The following ZNF676 variants were observed in gnomAD, a reference collection of about 807,000 sequenced individuals.
ZNF676 encodes the protein zinc finger protein 676.
In ZNF676, 4 loss-of-function variants were observed where a neutral mutation model predicts 6.0. That is an observed-to-expected ratio of 0.67 (90% CI 0.33 to 1.53). ZNF676 has a LOEUF of 1.53. Ranked by LOEUF, ZNF676 falls within the 40% of genes most tolerant of loss-of-function variation. The pLI is 0.06. For missense variants in ZNF676, 644 were observed against 679.7 expected (o/e 0.95, Z 0.58); for synonymous variants, 198 against 223.1 (o/e 0.89, Z 1.00).
In ZNF676 at chr19:22,181,561, C is replaced by T. The variant is rs1346595432; in HGVS notation, c.156G>A (p.Glu52=). Residue 52 remains glutamate (E), a synonymous_variant, in exon 3 of 3, where the codon GAG becomes GAA. Transcript: ENST00000397121. ...CTTCTATGCCTTGCTCTGGCCAAAACTCTTGGGAAAAATGAGAACATATAA... is the reference window on the plus strand; with the variant it reads ...CTTCTATGCCTTGCTCTGGCCAAAATTCTTGGGAAAAATGAGAACATATAA... ...PPVICSHFSQ[E]FWPEQGIEDS... The T allele has an allele frequency of 6.4e-7, 1 of 1,574,696 alleles. No individual in the cohort carries two copies. Among genetic ancestry groups the T allele is most frequent in the African/African-American group, 1.4e-5 (1 of 72,864 alleles).
Position 22,179,688 on chromosome 19 carries a change from T to G in ZNF676, c.*262A>C. On this transcript the variant is annotated 3_prime_UTR_variant, in exon 3 of 3. Transcript: ENST00000397121. ...AGGAACAGTTGAAGTCTTTATCACA[T>G]TCTTCGCATTTGTAGGGTTTCTCTC... is the stretch of plus-strand genomic sequence containing the variant. The G allele has an allele frequency of 1.4e-6, 1 of 695,172 alleles. No homozygotes were observed. Among genetic ancestry groups the G allele is most frequent in the Non-Finnish European group, 2.6e-6 (1 of 380,802 alleles). The allele number at this position is 695,172 out of a possible 1,614,324, so 43.1% of individuals were successfully genotyped here. A position where few individuals can be genotyped will look rare whatever the true frequency, so the allele number is the denominator to read the frequency against.
upstream of ZNF676, among the ~76,000 whole-genome samples, chr19:22,200,317 A>G (rs1397967182): frequency 6.6e-6 from 1 of 152,106 alleles, no homozygotes; most frequent in East Asian, 1.9e-4. Flanking sequence ...ACAAATAATA[A>G]TAACAACTCT....
intron 2 of ZNF676, among the ~76,000 whole-genome samples, chr19:22,187,990 GA>G (rs2023860880): frequency 6.6e-6 from 1 of 151,942 alleles, no homozygotes; most frequent in Admixed American, 6.6e-5. Context: ...GAAAAAGAGG[GA>G]CTCTTCCATA....
upstream of ZNF676, among the ~76,000 whole-genome samples, chr19:22,200,859 A>AT (rs113127118): frequency 6.6e-3 from 993 of 150,742 alleles, 8 homozygotes; most frequent in African/African-American, 0.022. Flanking sequence ...TGCTTCTTCT[A>AT]TTTTTTTTTA....
chr19:22,242,128 G>A, the ZNF676 span, among the ~76,000 whole-genome samples: 1 of 151,842 alleles, frequency 6.6e-6, no homozygotes, highest in African/African-American at 2.4e-5. Flanking sequence ...TATCTCTCCT[G>A]GTGACTGGTA....
At chr19:22,245,637 G>A in the ZNF676 span, among the ~76,000 whole-genome samples, 1 of 152,012 alleles carries the variant, frequency 6.6e-6, no homozygotes, top group Non-Finnish European at 1.5e-5. Flanking sequence ...CATCACCTAG[G>A]TGCTAGGTTC....
intron 1 of ZNF676, among the ~76,000 whole-genome samples, chr19:22,211,099 T>C (rs1015756753): frequency 2.0e-4 from 30 of 151,990 alleles, no homozygotes; most frequent in African/African-American, 7.2e-4. Flanking sequence ...GGAATTCTTT[T>C]TTTTTTTTTA....
chr19:22,207,990 A>AC (rs1331731057), intron 1 of ZNF676, among the ~76,000 whole-genome samples: 1 of 151,366 alleles, frequency 6.6e-6, no homozygotes, highest in African/African-American at 2.4e-5. Flanking sequence ...TTATAAAAAA[A>AC]AAAAAAACAA....
At chr19:22,189,488 AGCAATG>A (rs1458382884) in intron 2 of ZNF676, among the ~76,000 whole-genome samples, 2 of 152,330 alleles carry the variant, frequency 1.3e-5, no homozygotes, top group East Asian at 3.9e-4. Context: ...AAAGAGCAAA[AGCAATG>A]GCAATGAAAG....
chr19:22,250,766 C>CAA, the ZNF676 span, among the ~76,000 whole-genome samples: 1 of 150,650 alleles, frequency 6.6e-6, no homozygotes, highest in Non-Finnish European at 1.5e-5. Context: ...GCCTGGGGTA[C>CAA]AATGGTGTGA....
upstream of ZNF676, among the ~76,000 whole-genome samples, chr19:22,217,767 G>A (rs76780453): frequency 2.0e-5 from 3 of 151,872 alleles, no homozygotes; most frequent in East Asian, 1.9e-4. Flanking sequence ...GCAGTGGTGC[G>A]ATCTTGGCTT....
chr19:22,248,438 A>G, the ZNF676 span, among the ~76,000 whole-genome samples: 12 of 152,214 alleles, frequency 7.9e-5, no homozygotes, highest in Admixed American at 3.9e-4. Flanking sequence ...GATCACATGT[A>G]ACAAACCTGC....
rs543795373 is a variant in ZNF676 at position 22,215,652 on chromosome 19, G to A, written c.-18C>T. On this transcript the variant is annotated 5_prime_UTR_variant, in exon 1 of 4. Transcript: ENST00000650058. Reference sequence around the variant, plus strand: ...CTCACCATTTCTAGGCTTCCAGGGGGTCCTGGCGACTTAGTTGTGGATCTC... The same window carrying A: ...CTCACCATTTCTAGGCTTCCAGGGGATCCTGGCGACTTAGTTGTGGATCTC... 3.0e-4 allele frequency: 482 copies of A among 1,610,030 alleles called. 3 individuals carry two copies. In the African/African-American group the frequency reaches 5.7e-3, roughly 19 times the overall value.
intron 1 of ZNF676, among the ~76,000 whole-genome samples, chr19:22,202,775 A>T (rs1444066183): frequency 2.0e-5 from 3 of 152,216 alleles, no homozygotes; most frequent in Non-Finnish European, 2.9e-5. Flanking sequence ...TGGGAAGGCC[A>T]TCCCTGTATG....
the ZNF676 span, among the ~76,000 whole-genome samples, chr19:22,247,758 G>T: frequency 6.6e-6 from 1 of 152,132 alleles, no homozygotes; most frequent in African/African-American, 2.4e-5. Flanking sequence ...GCACTTTTTA[G>T]ATTAATTTTC....
intron 1 of ZNF676, among the ~76,000 whole-genome samples, chr19:22,214,433 G>A (rs2024162654): frequency 6.6e-6 from 1 of 151,380 alleles, no homozygotes; most frequent in Non-Finnish European, 1.5e-5. Context: ...TGACCAACAC[G>A]GTGAAACCCC....
At chr19:22,228,100 C>T in the ZNF676 span, among the ~76,000 whole-genome samples, 1 of 152,146 alleles carries the variant, frequency 6.6e-6, no homozygotes, top group Non-Finnish European at 1.5e-5. Context: ...ATGTGAAAAT[C>T]CTCAATAAAA....
intron 2 of ZNF676, among the ~76,000 whole-genome samples, chr19:22,184,871 G>A (rs1414284748): frequency 2.7e-5 from 4 of 148,730 alleles, no homozygotes; most frequent in African/African-American, 1.0e-4. Flanking sequence ...CCACAGTCGG[G>A]GGCATATAGT....
chr19:22,191,726 CCCAAGCCCCTTGTAATAAG>C (rs1418378186), intron 2 of ZNF676, among the ~76,000 whole-genome samples: 1 of 152,164 alleles, frequency 6.6e-6, no homozygotes, highest in Non-Finnish European at 1.5e-5. Context: ...ATTACAACTG[CCCAAGCCCCTTGTAATAAG>C]CCAACCCTAG....
Sources: allele counts gnomAD v4.1 joint callset (sites outside exome capture counted in the v4.1 genomes callset), GRCh38; gene constraint gnomAD v4.1.1; transcripts MANE v1.5; gene names NCBI Gene and HGNC (gene_info 2026-07-23, HGNC 2026-07-21).